ZNRF2: variants seen among roughly 807,000 people sequenced by gnomAD.
The protein encoded by ZNRF2 is E3 ubiquitin-protein ligase ZNRF2.
In ZNRF2, 16 loss-of-function variants were observed where a neutral mutation model predicts 20.4. The ratio of observed to expected loss-of-function variants is 0.79; its 90% CI spans 0.53 to 1.19. ZNRF2 has a LOEUF of 1.19. ZNRF2 is among the 50% of genes most tolerant of loss of function. The probability of loss-of-function intolerance (pLI) is 0.00; values close to 1 mark genes in which losing one functional copy is unlikely to be tolerated. For missense variants in ZNRF2, 363 were observed against 332.4 expected (o/e 1.09, Z -0.72); for synonymous variants, 178 against 144.9 (o/e 1.23, Z -1.64).
chr7:30,332,281 T>C (rs1466142696), intron 2 of ZNRF2, among the ~76,000 whole-genome samples: 2 of 152,106 alleles, frequency 1.3e-5, no homozygotes, highest in African/African-American at 4.8e-5. Context: ...AGGTAATGAG[T>C]GCTAAGTTAA....
At chr7:30,311,463 C>T (rs1375553267) in intron 1 of ZNRF2, among the ~76,000 whole-genome samples, 1 of 152,096 alleles carries the variant, frequency 6.6e-6, no homozygotes, top group Non-Finnish European at 1.5e-5. Context: ...GAGTGAATTT[C>T]ATGAAGAGCA....
In ZNRF2 at chr7:30,284,946, A is replaced by C. The variant is rs532958735; in HGVS notation, c.-412A>C. 1.5e-4 allele frequency: 40 copies of C among 264,838 alleles called. No individual in the cohort carries two copies. Among genetic ancestry groups the C allele is most frequent in the African/African-American group, 9.2e-4 (39 of 42,502 alleles). The allele number at this position is 264,838 out of a possible 1,614,324, so 16.4% of individuals were successfully genotyped here. Reference sequence around the variant, plus strand: ...GGAGCCGGAGGATGGCGGCGGTAGCAGCGGCCGCCCGAGAGGAGGCGGTGC... The same window carrying C: ...GGAGCCGGAGGATGGCGGCGGTAGCCGCGGCCGCCCGAGAGGAGGCGGTGC... On this transcript the variant is annotated 5_prime_UTR_variant, in exon 1 of 5. Transcript: ENST00000323037.
At chr7:30,308,541 GA>G (rs2128059517) in intron 1 of ZNRF2, among the ~76,000 whole-genome samples, 1 of 152,230 alleles carries the variant, frequency 6.6e-6, no homozygotes, top group East Asian at 1.9e-4. Flanking sequence ...CTAGGAAACC[GA>G]AACAAGCTCT....
intron 2 of ZNRF2, among the ~76,000 whole-genome samples, chr7:30,355,419 A>G (rs577598065): frequency 2.0e-5 from 3 of 152,302 alleles, no homozygotes; most frequent in African/African-American, 7.2e-5. Flanking sequence ...CATGGTACAA[A>G]TAACTAGCTT....
At chr7:30,360,688 C>T (rs1185638915) in intron 3 of ZNRF2, among the ~76,000 whole-genome samples, 1 of 152,044 alleles carries the variant, frequency 6.6e-6, no homozygotes, top group Non-Finnish European at 1.5e-5. Context: ...GAGCAAGACT[C>T]CGTCTCAAAA....
intron 1 of ZNRF2, chr7:30,289,696 T>C: frequency 2.1e-6 from 1 of 487,378 alleles, no homozygotes; most frequent in South Asian, 1.5e-5. Context: ...CTTTGGGAAT[T>C]TTTTGGAATT....
chr7:30,315,629 C>G (rs767637804), intron 1 of ZNRF2, among the ~76,000 whole-genome samples: 4 of 148,386 alleles, frequency 2.7e-5, no homozygotes, highest in Non-Finnish European at 5.9e-5. Flanking sequence ...TTTTGGACAA[C>G]ACGGAGGGCA....
At chr7:30,301,921 A>G (rs147438954) in intron 1 of ZNRF2, among the ~76,000 whole-genome samples, 279 of 152,258 alleles carry the variant, frequency 1.8e-3, no homozygotes, top group Non-Finnish European at 3.0e-3. Context: ...TTGTTCAGGG[A>G]AGGAGGCTGC....
At chr7:30,326,205 G>A (rs1182695465) in intron 2 of ZNRF2, among the ~76,000 whole-genome samples, 3 of 152,002 alleles carry the variant, frequency 2.0e-5, no homozygotes, top group Non-Finnish European at 4.4e-5. Context: ...TGTGTCATGG[G>A]GGTTTGTTCT....
chr7:30,339,926 C>T (rs927250799), intron 2 of ZNRF2, among the ~76,000 whole-genome samples: 6 of 152,184 alleles, frequency 3.9e-5, no homozygotes, highest in Admixed American at 1.3e-4. Flanking sequence ...TGTTTGTGTC[C>T]TCTCTTATGT....
rs1351988519 is a variant in ZNRF2 at position 30,323,679 on chromosome 7, A to G, written c.507A>G (p.Ser169=). 1 of 1,601,318 alleles carries G rather than the reference A, an allele frequency of 6.2e-7. No individual in the cohort carries two copies. The highest frequency in any genetic ancestry group is 1.3e-5 in the African/African-American group (1 of 74,332). ...CTGTATGCTCAAAATTTGTATCCTC[A>G]GATGAAATGGATTTGCATCTTGTAA... The part of the protein sequence containing the change: ...KCPVCSKFVS[S]DEMDLHLVMC... Residue 169 remains serine, a synonymous_variant, in exon 2 of 5, where the codon TCA becomes TCG. Transcript: ENST00000323037.
At chr7:30,328,551 A>G (rs1799587257) in intron 2 of ZNRF2, among the ~76,000 whole-genome samples, 1 of 152,190 alleles carries the variant, frequency 6.6e-6, no homozygotes, top group East Asian at 1.9e-4. Flanking sequence ...TTCAGACTGG[A>G]TATATTTATA....
intron 1 of ZNRF2, among the ~76,000 whole-genome samples, chr7:30,293,799 T>C (rs1798958009): frequency 6.6e-6 from 1 of 152,228 alleles, no homozygotes; most frequent in Admixed American, 6.5e-5. Context: ...GGCTCTTTTT[T>C]TAGCGACGAA....
At chr7:30,337,093 A>T (rs1040250285) in intron 2 of ZNRF2, among the ~76,000 whole-genome samples, 5 of 151,964 alleles carry the variant, frequency 3.3e-5, no homozygotes, top group African/African-American at 1.2e-4. Context: ...AAAGTCTCTT[A>T]CTTGTTTTGG....
intron 2 of ZNRF2, among the ~76,000 whole-genome samples, chr7:30,341,038 A>G (rs1166316225): frequency 6.6e-6 from 1 of 152,096 alleles, no homozygotes; most frequent in African/African-American, 2.4e-5. Context: ...AGAAGTTTTT[A>G]TAGTATTCTC....
chr7:30,348,740 AG>A (rs1409569594), intron 2 of ZNRF2, among the ~76,000 whole-genome samples: 1 of 152,178 alleles, frequency 6.6e-6, no homozygotes, highest in Non-Finnish European at 1.5e-5. Flanking sequence ...CAAATTCAAC[AG>A]GCATTTATTG....
intron 1 of ZNRF2, among the ~76,000 whole-genome samples, chr7:30,297,363 A>G (rs1234341458): frequency 6.6e-6 from 1 of 152,036 alleles, no homozygotes; most frequent in Non-Finnish European, 1.5e-5. Flanking sequence ...CCTTGAATTT[A>G]TGTGTCTTCT....
At chr7:30,319,085 C>A (rs888352784) in intron 1 of ZNRF2, among the ~76,000 whole-genome samples, 5 of 150,456 alleles carry the variant, frequency 3.3e-5, no homozygotes, top group Non-Finnish European at 7.4e-5. Context: ...TCACTCCAGC[C>A]TGGGTGAAAG....
At chr7:30,350,128 C>T (rs1401160295) in intron 2 of ZNRF2, among the ~76,000 whole-genome samples, 1 of 151,788 alleles carries the variant, frequency 6.6e-6, no homozygotes, top group African/African-American at 2.4e-5. Flanking sequence ...GCAAAAAGGC[C>T]CAAGAAAGCT....
Sources: allele counts gnomAD v4.1 joint callset (sites outside exome capture counted in the v4.1 genomes callset), GRCh38; gene constraint gnomAD v4.1.1; transcripts MANE v1.5; gene names NCBI Gene and HGNC (gene_info 2026-07-23, HGNC 2026-07-21).